XKR5: variants seen among roughly 807,000 people sequenced by gnomAD.
XKR5 encodes XK-related protein 5.
A neutral mutation model predicts 40.8 loss-of-function variants in XKR5; 46 were observed. The observed-to-expected ratio is 1.13, with a 90% CI of 0.89 to 1.44. The LOEUF is 1.44. Ranked by LOEUF, XKR5 falls within the 40% of genes most tolerant of loss-of-function variation. XKR5 has a pLI of 0.00. For missense variants in XKR5, 1,169 were observed against 844.7 expected, an observed-to-expected ratio of 1.38 and a Z score of -4.76; for synonymous variants, 466 against 356.1, an observed-to-expected ratio of 1.31 and a Z score of -3.48.
At position 6,823,686 on chromosome 8, in the gene XKR5, C is replaced by A; in HGVS notation, c.472G>T (p.Val158Leu). Reference sequence around the variant, plus strand: ...AAGCCCATGAAGCGAGTGTAGGACACCAGTGCCCAGGAGAGTGAGGACCAG... The same window carrying A: ...AAGCCCATGAAGCGAGTGTAGGACAACAGTGCCCAGGAGAGTGAGGACCAG... ...FSWSSLSWAL[V>L]SYTRFMGFMK... Residue 158 changes from valine (V) to leucine (L), a missense_variant, in exon 4 of 7, where the codon GTG becomes TTG. Val to Leu is a conservative substitution (Grantham distance 32). Transcript: ENST00000618742. The A allele has an allele frequency of 2.5e-6, 4 of 1,590,406 alleles. No individual in the cohort carries two copies. Among genetic ancestry groups the A allele is most frequent in the Non-Finnish European group, 3.4e-6 (4 of 1,168,482 alleles).
intron 2 of XKR5, among the ~76,000 whole-genome samples, chr8:6,825,738 T>C (rs1414486466): frequency 1.3e-5 from 2 of 152,280 alleles, no homozygotes; most frequent in East Asian, 3.9e-4. Flanking sequence ...CAGATGTCTG[T>C]TGCAAGGTAC....
chr8:6,823,623 G>C lies in XKR5; in HGVS notation c.535C>G (p.Leu179Val). 6.3e-7 allele frequency: 1 copy of C among 1,594,282 alleles called. No homozygotes were observed. The highest frequency in any genetic ancestry group is 8.5e-7 in the Non-Finnish European group (1 of 1,170,622). The change falls in exon 4 of 7, where the codon CTC (leucine) becomes GTC (valine). Residue 179 changes from leucine to valine, a missense_variant. Leu to Val is a conservative substitution (Grantham distance 32, BLOSUM62 1). Coordinates refer to ENST00000618742, the MANE Select transcript of XKR5 (RefSeq NM_207411.5). Reference protein sequence around the residue: ...PGHLAMPWAALFCQQLWRMGM... With the variant: ...PGHLAMPWAAVFCQQLWRMGM... ...ATCCTCCAGAGCTGCTGGCAGAAGA[G>C]GGCGGCCCATGGCATGGCCAGGTGG...
Position 6,825,188 on chromosome 8 carries a change from G to A in XKR5, c.404C>T (p.Ser135Leu), listed in dbSNP as rs769663974. 5.6e-6 allele frequency: 9 copies of A among 1,613,550 alleles called. No individual in the cohort carries two copies. Among genetic ancestry groups the A allele is most frequent in the South Asian group, 5.5e-5 (5 of 90,954 alleles). The change falls in exon 3 of 7, where the codon TCA becomes TTA. Residue 135 changes from serine to leucine, a missense_variant. Physicochemically the swap from Ser to Leu is moderately radical, Grantham distance 145. Transcript: ENST00000618742. ...ACCTGGCACAATATCTGTGAAGTCT[G>A]AGGCTAGAAAAACATATGTCTGAAG... is the stretch of plus-strand genomic sequence containing the variant. ...LLLQTYVFLA[S>L]DFTDIVPGVS...
At position 6,835,505 on chromosome 8, in the gene XKR5, ACCCCGCAGCCTGCGCCCGC is replaced by A; in HGVS notation, c.-31_-13del. ...AGCCTCGCGTGCATCTTCCGTGCCG[ACCCCGCAGCCTGCGCCCGC>A]CCCTTCCCCTGCACGCGGCCCCGCG... On this transcript the variant is annotated 5_prime_UTR_variant, in exon 1 of 7. Coordinates refer to ENST00000618742, the MANE Select transcript of XKR5 (RefSeq NM_207411.5). 1 of 1,494,364 alleles carries A rather than the reference ACCCCGCAGCCTGCGCCCGC, an allele frequency of 6.7e-7. No individual in the cohort carries two copies. The highest frequency in any genetic ancestry group is 1.4e-5 in the African/African-American group (1 of 69,174). The allele number at this position is 1,494,364 out of a possible 1,614,324, so 92.6% of individuals were successfully genotyped here. A position where few individuals can be genotyped will look rare whatever the true frequency, so the allele number is the denominator to read the frequency against.
rs2117072627 is a variant in XKR5 at position 6,811,112 on chromosome 8, G to T, written c.*86C>A. On this transcript the variant is annotated 3_prime_UTR_variant, in exon 7 of 7. Coordinates refer to ENST00000618742, the MANE Select transcript of XKR5 (RefSeq NM_207411.5). Reference sequence around the variant, plus strand: ...GACAGTGATGTGCCCAAGGACACAGGTGTCAGAAGTGGGATTTCCTTTCTC... The same window carrying T: ...GACAGTGATGTGCCCAAGGACACAGTTGTCAGAAGTGGGATTTCCTTTCTC... 7.7e-7 allele frequency: 1 copy of T among 1,291,688 alleles called. No individual in the cohort carries two copies. Among genetic ancestry groups the T allele is most frequent in the Non-Finnish European group, 1.0e-6 (1 of 957,906 alleles). 80.0% of individuals were successfully genotyped at this position (1,291,688 alleles called of 1,614,324 possible).
At chr8:6,832,027 A>C (rs1287194492) in intron 2 of XKR5, among the ~76,000 whole-genome samples, 1 of 147,150 alleles carries the variant, frequency 6.8e-6, no homozygotes, top group Non-Finnish European at 1.5e-5. Flanking sequence ...AAAAAAAAAA[A>C]AAAAAAAACA....
intron 5 of XKR5, among the ~76,000 whole-genome samples, chr8:6,821,309 A>G (rs1804214866): frequency 6.6e-6 from 1 of 152,186 alleles, no homozygotes; most frequent in Non-Finnish European, 1.5e-5. Flanking sequence ...AGCTACTCCT[A>G]TGAGTCCCAG....
Position 6,813,366 on chromosome 8 carries a change from A to C in XKR5, c.920-1027T>G, listed in dbSNP as rs555586324. Among the ~76,000 whole-genome samples the C allele has an allele frequency of 3.3e-5, 5 of 152,294 alleles. No homozygotes were observed. The South Asian group carries it at 8.3e-4, about 25-fold the overall frequency. ...ACCCTTCTTTTACAAGCAGCCACCC[A>C]AGGCCAGGAAAGATGAACAAAGGCC... On this transcript the variant is annotated intron_variant, in intron 6 of 6. Coordinates refer to ENST00000618742, the MANE Select transcript of XKR5 (RefSeq NM_207411.5).
intron 6 of XKR5, among the ~76,000 whole-genome samples, chr8:6,813,945 C>T (rs145888581): frequency 1.0e-3 from 158 of 152,316 alleles, no homozygotes; most frequent in African/African-American, 3.7e-3. Flanking sequence ...TTTTCCCTCC[C>T]ACCACACTGC....
At chr8:6,827,723 C>A (rs144676273) in intron 2 of XKR5, among the ~76,000 whole-genome samples, 1 of 152,300 alleles carries the variant, frequency 6.6e-6, no homozygotes, top group East Asian at 1.9e-4. Context: ...TCTTGCTCTT[C>A]CAGAAAGCTT....
intron 1 of XKR5, among the ~76,000 whole-genome samples, chr8:6,833,391 C>T (rs1256885593): frequency 6.6e-6 from 1 of 152,200 alleles, no homozygotes; most frequent in Non-Finnish European, 1.5e-5. Context: ...TGTCCTAGGA[C>T]CTGTGAGTAC....
intron 6 of XKR5, among the ~76,000 whole-genome samples, chr8:6,812,690 G>C (rs1020933504): frequency 1.6e-4 from 25 of 152,122 alleles, no homozygotes; most frequent in Non-Finnish European, 2.2e-4. Context: ...AAAATGTTTG[G>C]CAGAAATAAG....
At position 6,821,935 on chromosome 8, in the gene XKR5, C is replaced by T; in HGVS notation, c.741G>A (p.Val247=). ...AGAAGCTGAGGTAGCAGAGGATGTACACGGCCCCCACGAGCAGGTTGAACA... is the reference window on the plus strand; with the variant it reads ...AGAAGCTGAGGTAGCAGAGGATGTATACGGCCCCCACGAGCAGGTTGAACA... The part of the protein sequence containing the change: ...WRLFNLLVGA[V]YILCYLSFWD... Residue 247 remains valine, a synonymous_variant, in exon 5 of 7, where the codon GTG becomes GTA. Transcript: ENST00000618742. 2 of 1,613,030 alleles carry T rather than the reference C, an allele frequency of 1.2e-6. No homozygotes were observed. Among genetic ancestry groups the T allele is most frequent in the Non-Finnish European group, 1.7e-6 (2 of 1,179,512 alleles).
At chr8:6,816,482 C>T (rs1033907886) in intron 5 of XKR5, among the ~76,000 whole-genome samples, 5 of 152,206 alleles carry the variant, frequency 3.3e-5, no homozygotes, top group African/African-American at 9.6e-5. Context: ...GTCAAAATGG[C>T]AGATGGTCCA....
chr8:6,828,606 T>A (rs1008633891), intron 2 of XKR5, among the ~76,000 whole-genome samples: 6 of 152,066 alleles, frequency 3.9e-5, no homozygotes, highest in African/African-American at 7.2e-5. Context: ...GGTCACTAGG[T>A]CCTATGAGAT....
rs945950383 is a variant in XKR5 at position 6,809,170 on chromosome 8, G to C, written c.*2028C>G. The C allele has an allele frequency of 2.0e-5, 3 of 152,372 alleles. No homozygotes were observed. Among genetic ancestry groups the C allele is most frequent in the Admixed American group, 6.5e-5 (1 of 15,282 alleles). 9.4% of individuals were successfully genotyped at this position (152,372 alleles called of 1,614,324 possible). ...TGGAGTCTTGGAGGACAAATGGGGA[G>C]GGCTGGTGAGGACTCAGGGAAGTGC... On this transcript the variant is annotated 3_prime_UTR_variant, in exon 7 of 7. Coordinates refer to ENST00000618742, the MANE Select transcript of XKR5 (RefSeq NM_207411.5).
chr8:6,810,207 G>C lies in XKR5; in HGVS notation c.*991C>G, dbSNP rs745586150. The C allele has an allele frequency of 2.6e-5, 4 of 152,160 alleles. No individual in the cohort carries two copies. The highest frequency in any genetic ancestry group is 5.9e-5 in the Non-Finnish European group (4 of 68,036). The allele number at this position is 152,160 out of a possible 1,614,324, so 9.4% of individuals were successfully genotyped here. On this transcript the variant is annotated 3_prime_UTR_variant, in exon 7 of 7. Transcript: ENST00000618742. Reference sequence around the variant, plus strand: ...TGTGCCTTTCTCTTTGATAGTTTATGACTAGACTTCCTTAATCAGCTACAA... The same window carrying C: ...TGTGCCTTTCTCTTTGATAGTTTATCACTAGACTTCCTTAATCAGCTACAA...
intron 5 of XKR5, among the ~76,000 whole-genome samples, chr8:6,818,391 C>T (rs1804064146): frequency 6.6e-6 from 1 of 152,238 alleles, no homozygotes; most frequent in African/African-American, 2.4e-5. Context: ...TCTCTGATCA[C>T]AGTGGCTGCA....
At position 6,811,180 on chromosome 8, in the gene XKR5, A is replaced by T; in HGVS notation, c.*18T>A. ...GCTTGGTTTGTCAGCCTGTTGTCTTATCCCACCATGACTGTGGTCAGATGA... is the reference window on the plus strand; with the variant it reads ...GCTTGGTTTGTCAGCCTGTTGTCTTTTCCCACCATGACTGTGGTCAGATGA... On this transcript the variant is annotated 3_prime_UTR_variant, in exon 7 of 7. Coordinates refer to ENST00000618742, the MANE Select transcript of XKR5 (RefSeq NM_207411.5). 6.6e-7 allele frequency: 1 copy of T among 1,521,740 alleles called. No homozygotes were observed. Among genetic ancestry groups the T allele is most frequent in the Non-Finnish European group, 8.8e-7 (1 of 1,136,982 alleles). 94.3% of individuals were successfully genotyped at this position (1,521,740 alleles called of 1,614,324 possible).
Sources: allele counts gnomAD v4.1 joint callset (sites outside exome capture counted in the v4.1 genomes callset), GRCh38; gene constraint gnomAD v4.1.1; transcripts MANE v1.5; gene names NCBI Gene and HGNC (gene_info 2026-07-23, HGNC 2026-07-21).